The following TTC28 variants were observed in gnomAD, a reference collection of about 807,000 sequenced individuals.
TTC28 encodes the protein tetratricopeptide repeat protein 28.
Under a neutral mutation model 198.0 loss-of-function variants are expected in TTC28, and 61 were observed. The observed-to-expected ratio is 0.31, with a 90% CI of 0.25 to 0.38. TTC28 has a LOEUF of 0.38. Among genes scored for constraint, TTC28 ranks in the 10% least tolerant of loss-of-function variants. TTC28 has a pLI of 1.00. For missense variants in TTC28, 2,678 were observed against 3,164.0 expected, an observed-to-expected ratio of 0.85 and a Z score of 3.69; for synonymous variants, 1,171 against 1,297.8, an observed-to-expected ratio of 0.90 and a Z score of 2.10.
chr22:28,242,161 C>T (rs184838915), intron 5 of TTC28, among the ~76,000 whole-genome samples: 7 of 152,248 alleles, frequency 4.6e-5, no homozygotes, highest in East Asian at 1.9e-4. Flanking sequence ...CACTGCCTGG[C>T]GCCACAGCAC....
intron 2 of TTC28, among the ~76,000 whole-genome samples, chr22:28,530,432 G>C (rs1392097940): frequency 6.6e-6 from 1 of 152,194 alleles, no homozygotes; most frequent in Non-Finnish European, 1.5e-5. Context: ...ATCTACGTCT[G>C]ATTGGTGTAC....
intron 5 of TTC28, among the ~76,000 whole-genome samples, chr22:28,260,361 A>T (rs556178787): frequency 3.3e-5 from 5 of 152,292 alleles, no homozygotes; most frequent in Non-Finnish European, 5.9e-5. Flanking sequence ...TTAACCATCT[A>T]GAAAAGAATG....
intron 2 of TTC28, among the ~76,000 whole-genome samples, chr22:28,392,945 T>C (rs955576339): frequency 1.0e-4 from 13 of 129,412 alleles, no homozygotes; most frequent in Non-Finnish European, 1.4e-4. Context: ...GTATGATAAA[T>C]GGCTCACTGC....
At position 28,604,226 on chromosome 22, in the gene TTC28, A is replaced by C. The variant is rs375751470; in HGVS notation, c.381+25326T>G. On this transcript the variant is annotated intron_variant, in intron 2 of 22. Transcript: ENST00000397906. Reference sequence around the variant, plus strand: ...CCGAGAGGCAGATGTTACGGTGAGCAGAGATGGTATCACTGCACTCTAGCC... The same window carrying C: ...CCGAGAGGCAGATGTTACGGTGAGCCGAGATGGTATCACTGCACTCTAGCC... Among the ~76,000 whole-genome samples, 22 of 149,008 alleles carry C rather than the reference A, an allele frequency of 1.5e-4. No individual in the cohort carries two copies. In the East Asian group the frequency reaches 3.6e-3, roughly 24 times the overall value.
chr22:28,123,448 G>A (rs372780329), intron 6 of TTC28, among the ~76,000 whole-genome samples: 1 of 151,692 alleles, frequency 6.6e-6, no homozygotes, highest in African/African-American at 2.4e-5. Flanking sequence ...GTAGAAATGG[G>A]GTTTCACCAT....
intron 5 of TTC28, among the ~76,000 whole-genome samples, chr22:28,225,446 C>T (rs73168123): frequency 0.019 from 2,918 of 151,810 alleles, 39 homozygotes; most frequent in Non-Finnish European, 0.03. Flanking sequence ...ATTTTCATTC[C>T]GTTTTCCCAA....
intron 6 of TTC28, among the ~76,000 whole-genome samples, chr22:28,109,511 CT>C (rs1408223951): frequency 6.6e-6 from 1 of 152,212 alleles, no homozygotes; most frequent in Non-Finnish European, 1.5e-5. Flanking sequence ...TGCTATACTG[CT>C]TTTACAATCA....
intron 2 of TTC28, among the ~76,000 whole-genome samples, chr22:28,332,071 T>C (rs2045625104): frequency 6.6e-6 from 1 of 152,104 alleles, no homozygotes; most frequent in South Asian, 2.1e-4. Flanking sequence ...GTAGCTCTGA[T>C]TCTGCAGCTT....
At chr22:28,102,508 C>T (rs1193678501) in intron 8 of TTC28, among the ~76,000 whole-genome samples, 1 of 152,176 alleles carries the variant, frequency 6.6e-6, no homozygotes, top group Non-Finnish European at 1.5e-5. Flanking sequence ...GTATTGGTCA[C>T]TAGGCAGTTC....
At chr22:28,514,352 G>A (rs776716541) in intron 2 of TTC28, among the ~76,000 whole-genome samples, 5 of 152,254 alleles carry the variant, frequency 3.3e-5, no homozygotes, top group Middle Eastern at 3.4e-3. Context: ...GAACAATTTG[G>A]CAAGTTAGCT....
At chr22:27,999,573 C>G (rs1937618587) in intron 15 of TTC28, 1 of 337,668 alleles carries the variant, frequency 3.0e-6, no homozygotes, top group Non-Finnish European at 5.4e-6. Context: ...GGACAGCCAG[C>G]CTGCTCCACA....
intron 5 of TTC28, among the ~76,000 whole-genome samples, chr22:28,217,228 C>T (rs1323215122): frequency 6.6e-6 from 1 of 152,054 alleles, no homozygotes; most frequent in South Asian, 2.1e-4. Flanking sequence ...ATCAAAAGAG[C>T]TCATGTACCC....
chr22:28,274,493 T>C (rs1262608575), intron 5 of TTC28, among the ~76,000 whole-genome samples: 1 of 152,220 alleles, frequency 6.6e-6, no homozygotes, highest in African/African-American at 2.4e-5. Flanking sequence ...TAATTTATAG[T>C]ACATTTATAG....
At chr22:28,064,859 A>G (rs1308988058) in intron 12 of TTC28, among the ~76,000 whole-genome samples, 2 of 152,342 alleles carry the variant, frequency 1.3e-5, no homozygotes, top group East Asian at 3.9e-4. Flanking sequence ...AGGTGGTGAG[A>G]AAAAGAGATG....
chr22:28,268,169 C>T (rs1037774213), intron 5 of TTC28, among the ~76,000 whole-genome samples: 1 of 152,156 alleles, frequency 6.6e-6, no homozygotes, highest in Non-Finnish European at 1.5e-5. Context: ...GGATGCTCAT[C>T]CAACTTTTTC....
intron 5 of TTC28, among the ~76,000 whole-genome samples, chr22:28,220,473 T>A (rs1927768985): frequency 6.6e-6 from 1 of 152,220 alleles, no homozygotes. Flanking sequence ...TGTGCAGTTG[T>A]TGACAGCATT....
At chr22:28,662,668 T>C (rs1309104587) in intron 1 of TTC28, among the ~76,000 whole-genome samples, 1 of 152,278 alleles carries the variant, frequency 6.6e-6, no homozygotes, top group Non-Finnish European at 1.5e-5. Flanking sequence ...ATTTATATGG[T>C]TCTTCCAAAT....
intron 2 of TTC28, among the ~76,000 whole-genome samples, chr22:28,407,410 G>T (rs1306201297): frequency 6.6e-6 from 1 of 151,962 alleles, no homozygotes; most frequent in Admixed American, 6.6e-5. Flanking sequence ...GTATGCCCAG[G>T]TTCCCAGGTT....
chr22:28,103,006 A>C (rs1942197954), intron 8 of TTC28, among the ~76,000 whole-genome samples: 1 of 152,226 alleles, frequency 6.6e-6, no homozygotes, highest in Non-Finnish European at 1.5e-5. Context: ...TATGAGTCAG[A>C]AGTAAAATTC....
Sources: gnomAD v4.1 joint callset for allele counts (sites outside exome capture counted in the v4.1 genomes callset) on GRCh38, gnomAD v4.1.1 for gene constraint, MANE v1.5 for transcripts, NCBI Gene and HGNC (gene_info 2026-07-23, HGNC 2026-07-21) for gene names.